The following HECW1 variants were observed in gnomAD, a reference collection of about 807,000 sequenced individuals.
HECW1 encodes the protein HECT, C2 and WW domain containing E3 ubiquitin protein ligase 1.
A neutral mutation model predicts 182.3 loss-of-function variants in HECW1; 61 were observed. The ratio of observed to expected loss-of-function variants is 0.33; its 90% CI spans 0.27 to 0.41. HECW1 has a LOEUF of 0.41. Among genes scored for constraint, HECW1 ranks in the 10% least tolerant of loss-of-function variants. The pLI is 1.00. For missense variants in HECW1, 1,739 were observed against 2,108.9 expected (o/e 0.82, Z 3.44); for synonymous variants, 859 against 832.6 (o/e 1.03, Z -0.55).
intron 2 of HECW1, among the ~76,000 whole-genome samples, chr7:43,151,750 A>C (rs183661704): frequency 2.8e-3 from 424 of 152,314 alleles, no homozygotes; most frequent in African/African-American, 9.7e-3. Flanking sequence ...AGTGACTGAG[A>C]GGATAGATTT....
At chr7:43,304,680 G>A (rs1184182483) in intron 3 of HECW1, among the ~76,000 whole-genome samples, 1 of 152,088 alleles carries the variant, frequency 6.6e-6, no homozygotes, top group African/African-American at 2.4e-5. Flanking sequence ...TTTTAGTAGA[G>A]ACGGGGTTTC....
rs770163676 is a variant in HECW1 at position 43,444,905 on chromosome 7, C to T, written c.1733C>T (p.Ala578Val). Residue 578 changes from alanine to valine, a missense_variant, in exon 11 of 30, where the codon GCG (alanine) becomes GTG (valine). Coordinates refer to ENST00000395891, the MANE Select transcript of HECW1 (RefSeq NM_015052.5). The surrounding 1 kb of genome is among the most constrained non-coding windows in gnomAD (Gnocchi z 4.3). Reference protein sequence around the residue: ...HSMPSAQGGSAAEEEDGAEEE... With the variant: ...HSMPSAQGGSVAEEEDGAEEE... ...ATGCCCTCCGCCCAGGGCGGCAGCG[C>T]GGCAGAGGAGGAGGACGGCGCGGAG... The T allele has an allele frequency of 5.0e-6, 8 of 1,601,762 alleles. No individual in the cohort carries two copies. The Admixed American group carries it at 6.7e-5, about 13-fold the overall frequency.
chr7:43,226,307 C>T (rs576082048), intron 2 of HECW1, among the ~76,000 whole-genome samples: 2 of 152,248 alleles, frequency 1.3e-5, no homozygotes, highest in East Asian at 3.9e-4. Context: ...TGCTCATATC[C>T]TTTAAACAAC....
intron 16 of HECW1, 75 bp from the exon 17 acceptor site, chr7:43,479,535 C>T: frequency 6.4e-7 from 1 of 1,568,864 alleles, no homozygotes; most frequent in Non-Finnish European, 8.7e-7. Context: ...CCCTGTAGCA[C>T]TCCTGTATAT....
intron 2 of HECW1, among the ~76,000 whole-genome samples, chr7:43,125,176 C>G (rs1950083352): frequency 6.6e-6 from 1 of 152,168 alleles, no homozygotes; most frequent in East Asian, 1.9e-4. Context: ...CATGAGGGCT[C>G]CAGCCTCATG....
rs531417371 is a variant in HECW1, at chr7:43,289,295, C to T, written c.28-22468C>T. 2.0e-4 allele frequency among the ~76,000 whole-genome samples: 30 copies of T among 152,038 alleles called. 1 individual carries two copies. The highest frequency in any genetic ancestry group is 1.6e-3 in the Admixed American group (25 of 15,274). On this transcript the variant is annotated intron_variant, in intron 3 of 29. Transcript: ENST00000395891. The stretch of plus-strand genomic sequence containing the variant: ...CTAATTTTTGTATTTTTAGTAAAGA[C>T]GGGGTTTCACCATGTTGGCCAGGAT...
intron 2 of HECW1, among the ~76,000 whole-genome samples, chr7:43,222,922 T>C (rs184794489): frequency 6.6e-6 from 1 of 152,320 alleles, no homozygotes; most frequent in Non-Finnish European, 1.5e-5. Context: ...TACATTTTCA[T>C]TTCCATCCCA....
intron 3 of HECW1, among the ~76,000 whole-genome samples, chr7:43,282,620 T>C (rs570575270): frequency 1.3e-5 from 2 of 152,314 alleles, no homozygotes; most frequent in African/African-American, 4.8e-5. Flanking sequence ...ATTAAATATA[T>C]CTTTTAAAAT....
intron 2 of HECW1, among the ~76,000 whole-genome samples, chr7:43,142,151 T>G (rs1788221645): frequency 6.6e-6 from 1 of 152,140 alleles, no homozygotes; most frequent in East Asian, 1.9e-4. Flanking sequence ...GATGCCTGTT[T>G]TTGTTGTGAA....
At chr7:43,308,977 C>T (rs757489) in intron 3 of HECW1, among the ~76,000 whole-genome samples, 19,923 of 152,148 alleles carry the variant, frequency 0.13, 4,170 homozygotes, top group African/African-American at 0.45. Context: ...GAAGGGATAT[C>T]ACTGAATAAA....
chr7:43,294,825 C>T (rs993193446), intron 3 of HECW1, among the ~76,000 whole-genome samples: 1 of 152,148 alleles, frequency 6.6e-6, no homozygotes, highest in Admixed American at 6.5e-5. Context: ...TAAGGATGCA[C>T]CTGTGACGCA....
At chr7:43,407,822 C>T (rs1461957179) in intron 8 of HECW1, 91 bp downstream of exon 8, 2 of 1,145,218 alleles carry the variant, frequency 1.7e-6, no homozygotes, top group Admixed American at 2.3e-5. Context: ...TTCATGGAGC[C>T]CTGGACTCTG....
chr7:43,116,077 T>A (rs1011537419), intron 2 of HECW1, among the ~76,000 whole-genome samples: 10 of 152,124 alleles, frequency 6.6e-5, no homozygotes, highest in Non-Finnish European at 7.4e-5. Flanking sequence ...TCCTTCACTT[T>A]GTGAGTCAGC....
At chr7:43,450,572 A>G (rs2077199027) in intron 11 of HECW1, among the ~76,000 whole-genome samples, 1 of 152,186 alleles carries the variant, frequency 6.6e-6, no homozygotes, top group Non-Finnish European at 1.5e-5. Context: ...TCATTACAGA[A>G]TCAGACTCAA....
chr7:43,258,657 C>T (rs1454076232), intron 3 of HECW1: 1 of 152,220 alleles, frequency 6.6e-6, no homozygotes, highest in Non-Finnish European at 1.5e-5. Context: ...GCTAGAAATC[C>T]TCCACTTTAC....
chr7:43,158,412 TAAG>T (rs56115393), intron 2 of HECW1, among the ~76,000 whole-genome samples: 11,760 of 152,286 alleles, frequency 0.077, 505 homozygotes, highest in Non-Finnish European at 0.098. Flanking sequence ...GATCAAGTAA[TAAG>T]AACTTACCCA....
At chr7:43,473,441 T>C (rs1010900817) in intron 16 of HECW1, among the ~76,000 whole-genome samples, 3 of 152,148 alleles carry the variant, frequency 2.0e-5, no homozygotes, top group Admixed American at 6.5e-5. Flanking sequence ...GAGAAAATGA[T>C]AGTATAAAAA....
intron 2 of HECW1, among the ~76,000 whole-genome samples, chr7:43,221,098 A>G (rs1796898816): frequency 6.6e-6 from 1 of 152,216 alleles, no homozygotes; most frequent in East Asian, 1.9e-4. Flanking sequence ...AAGCACCTTG[A>G]GTACTATTTG....
chr7:43,173,836 G>A (rs1478965652), intron 2 of HECW1, among the ~76,000 whole-genome samples: 2 of 144,138 alleles, frequency 1.4e-5, no homozygotes, highest in African/African-American at 5.2e-5. Flanking sequence ...GGTGCCTGTT[G>A]TTTTAAATGA....
Sources: allele counts gnomAD v4.1 joint callset (sites outside exome capture counted in the v4.1 genomes callset), GRCh38; gene constraint gnomAD v4.1.1; non-coding constraint Gnocchi (gnomAD v3.1); transcripts MANE v1.5; gene names NCBI Gene and HGNC (gene_info 2026-07-23, HGNC 2026-07-21).